Variants in BDKRB2 observed in about 807,000 individuals in gnomAD.
BDKRB2 encodes the protein B2 bradykinin receptor.
A neutral mutation model predicts 4.0 loss-of-function variants in BDKRB2; 6 were observed. The observed-to-expected ratio is 1.49, with a 90% CI of 0.81 to 2.93. The LOEUF is 2.93. Ranked by LOEUF, BDKRB2 falls within the 30% of genes most tolerant of loss-of-function variation. The pLI is 0.00. For synonymous variants in BDKRB2, 225 were observed against 215.3 expected (o/e 1.05, Z -0.40); for missense variants, 478 against 520.1 (o/e 0.92, Z 0.79).
chr14:96,213,918 G>A (rs1339310041), intron 1 of BDKRB2, among the ~76,000 whole-genome samples: 2 of 152,214 alleles, frequency 1.3e-5, no homozygotes, highest in Admixed American at 6.5e-5. Context: ...ATCGCATCCT[G>A]CCTCCCTACA....
intron 1 of BDKRB2, among the ~76,000 whole-genome samples, chr14:96,236,467 A>G (rs999402971): frequency 4.6e-5 from 7 of 152,104 alleles, no homozygotes; most frequent in African/African-American, 1.7e-4. Flanking sequence ...GGAAGCCATG[A>G]CACCTGCCTC....
intron 2 of BDKRB2, chr14:96,238,558 C>T (rs953933172): frequency 3.0e-5 from 30 of 985,776 alleles, no homozygotes; most frequent in Non-Finnish European, 3.4e-5. Flanking sequence ...TTCCTTAGCA[C>T]CCAGTGAAGA....
intron 1 of BDKRB2, among the ~76,000 whole-genome samples, chr14:96,205,743 T>C (rs1478790399): frequency 6.6e-6 from 1 of 152,220 alleles, no homozygotes; most frequent in Non-Finnish European, 1.5e-5. Flanking sequence ...GACCTGGAAG[T>C]TCCTCTTTAT....
Position 96,234,119 on chromosome 14 carries a change from ATCAGGGTC to A in BDKRB2, c.-39-2945_-39-2938del, listed in dbSNP as rs564962036. On this transcript the variant is annotated intron_variant, in intron 1 of 2. Coordinates refer to ENST00000554311, the MANE Select transcript of BDKRB2 (RefSeq NM_001379692.1). ...GACTTTATATTCCCAGGATGCATTCATCAGGGTCTCAGTAAAAAAAAGAGGGCACATTC... is the reference window on the plus strand; with the variant it reads ...GACTTTATATTCCCAGGATGCATTCATCAGTAAAAAAAAGAGGGCACATTC... 7.4e-4 allele frequency: 113 copies of A among 152,394 alleles called. 1 individual carries two copies. The South Asian group carries it at 0.01, about 14-fold the overall frequency. The allele number at this position is 152,394 out of a possible 1,614,324, so 9.4% of individuals were successfully genotyped here.
rs148041508 is a variant in BDKRB2, at chr14:96,210,038, G to A, written c.-40+5079G>A. Among the ~76,000 whole-genome samples, 23 of 149,548 alleles carry A rather than the reference G, an allele frequency of 1.5e-4. 1 individual carries two copies. In the East Asian group the frequency reaches 2.9e-3, roughly 19 times the overall value. On this transcript the variant is annotated intron_variant, in intron 1 of 2. Transcript: ENST00000554311. The stretch of plus-strand genomic sequence containing the variant: ...AATAATCATCATCATCATCATCATA[G>A]CATATAGGAAGCTGTCAGCTATGCA...
chr14:96,220,736 C>G (rs914207373), intron 1 of BDKRB2, among the ~76,000 whole-genome samples: 1 of 151,706 alleles, frequency 6.6e-6, no homozygotes, highest in Non-Finnish European at 1.5e-5. Context: ...CTTCCTGCTT[C>G]CAGATTTTGC....
chr14:96,206,704 C>A (rs1034966488), intron 1 of BDKRB2, among the ~76,000 whole-genome samples: 1 of 152,174 alleles, frequency 6.6e-6, no homozygotes, highest in African/African-American at 2.4e-5. Flanking sequence ...AACATTAGGG[C>A]GGCCTCCTCA....
At chr14:96,228,106 T>G (rs934124950) in intron 1 of BDKRB2, among the ~76,000 whole-genome samples, 3 of 152,018 alleles carry the variant, frequency 2.0e-5, no homozygotes, top group African/African-American at 4.8e-5. Flanking sequence ...GAAGGGAGAG[T>G]TCCCTGGACC....
intron 1 of BDKRB2, among the ~76,000 whole-genome samples, chr14:96,214,125 G>A (rs963733391): frequency 2.6e-5 from 4 of 152,236 alleles, no homozygotes; most frequent in South Asian, 2.1e-4. Context: ...GCCCTGTGAC[G>A]GGGGCACCCT....
intron 1 of BDKRB2, among the ~76,000 whole-genome samples, chr14:96,206,013 T>C (rs1890171601): frequency 6.6e-6 from 1 of 151,954 alleles, no homozygotes; most frequent in East Asian, 1.9e-4. Context: ...ACCCCGCCCC[T>C]AATTCCATTT....
chr14:96,239,535 C>T (rs894391014), intron 2 of BDKRB2: 5 of 985,398 alleles, frequency 5.1e-6, no homozygotes, highest in South Asian at 4.7e-5. Context: ...CACCAACAAA[C>T]GGTGGTGTTG....
At chr14:96,238,266 T>C (rs976131718) in intron 2 of BDKRB2, 2 of 423,798 alleles carry the variant, frequency 4.7e-6, no homozygotes, top group African/African-American at 4.3e-5. Flanking sequence ...TATCCTCACA[T>C]GGCGGCTCAC....
At chr14:96,240,356 C>T in intron 2 of BDKRB2, 47 bp from the exon 3 acceptor site, 1 of 1,410,940 alleles carries the variant, frequency 7.1e-7, no homozygotes, top group South Asian at 2.0e-5. Flanking sequence ...TTTTGTCCTT[C>T]CCTTGTGACC....
rs965120623 is a variant in BDKRB2 at position 96,237,044 on chromosome 14, T to A, written c.-39-25T>A. On this transcript the variant is annotated intron_variant, in intron 1 of 2. Coordinates refer to ENST00000554311, the MANE Select transcript of BDKRB2 (RefSeq NM_001379692.1). ...TGCAATCCCCAGCCCCTGTGCCATC[T>A]AACCATCTTTTCTTCTCTGTTCAGC... 2.1e-6 allele frequency: 3 copies of A among 1,398,532 alleles called. No homozygotes were observed. The African/African-American group carries it at 4.3e-5, about 20-fold the overall frequency. The allele number at this position is 1,398,532 out of a possible 1,614,324, so 86.6% of individuals were successfully genotyped here. A position where few individuals can be genotyped will look rare whatever the true frequency, so the allele number is the denominator to read the frequency against.
At chr14:96,221,279 A>T (rs143267626) in intron 1 of BDKRB2, among the ~76,000 whole-genome samples, 1 of 152,304 alleles carries the variant, frequency 6.6e-6, no homozygotes, top group African/African-American at 2.4e-5. Flanking sequence ...GCTGGCCCAG[A>T]CTAAGCACTC....
chr14:96,206,661 T>A (rs965371508), intron 1 of BDKRB2, among the ~76,000 whole-genome samples: 2 of 152,184 alleles, frequency 1.3e-5, no homozygotes, highest in African/African-American at 4.8e-5. Flanking sequence ...ACACAGTGAC[T>A]GGCTCAGTAA....
chr14:96,225,069 C>T (rs1274265461), intron 1 of BDKRB2, among the ~76,000 whole-genome samples: 1 of 152,154 alleles, frequency 6.6e-6, no homozygotes, highest in Non-Finnish European at 1.5e-5. Context: ...CCAGAAGAGC[C>T]GTTGGATGCC....
chr14:96,211,503 G>A (rs1890301429), intron 1 of BDKRB2, among the ~76,000 whole-genome samples: 7 of 152,216 alleles, frequency 4.6e-5, no homozygotes, highest in Admixed American at 4.6e-4. Context: ...CCTGCTACAG[G>A]TGTGCTCACA....
Position 96,243,981 on chromosome 14 carries a change from A to G in BDKRB2, c.*2477A>G, listed in dbSNP as rs1326252607. The G allele has an allele frequency of 2.6e-6, 1 of 388,036 alleles. No homozygotes were observed. Among genetic ancestry groups the G allele is most frequent in the Non-Finnish European group, 4.5e-6 (1 of 220,054 alleles). 24.0% of individuals were successfully genotyped at this position (388,036 alleles called of 1,614,324 possible). A position where few individuals can be genotyped will look rare whatever the true frequency, so the allele number is the denominator to read the frequency against. ...GGATCCACACCTGGTCTGAGGGGCA[A>G]CTGAGTCTGCGGGAGAAGAGCGGCC... On this transcript the variant is annotated 3_prime_UTR_variant, in exon 3 of 3. Transcript: ENST00000554311.
Sources: allele counts gnomAD v4.1 joint callset (sites outside exome capture counted in the v4.1 genomes callset), GRCh38; gene constraint gnomAD v4.1.1; transcripts MANE v1.5; gene names NCBI Gene and HGNC (gene_info 2026-07-23, HGNC 2026-07-21).